The following GRK5 variants were observed in gnomAD, a reference collection of about 807,000 sequenced individuals.
GRK5 encodes the protein g protein-coupled receptor kinase GRK5.
In GRK5, 40 loss-of-function variants were observed where a neutral mutation model predicts 78.4. The ratio of observed to expected loss-of-function variants is 0.51; its 90% confidence interval spans 0.40 to 0.66. GRK5 has a LOEUF of 0.66. Ranked by LOEUF, GRK5 falls within the 30% of genes least tolerant of loss-of-function variation. The probability of loss-of-function intolerance (pLI) is 0.00; values close to 1 mark genes in which losing one functional copy is unlikely to be tolerated. For synonymous variants in GRK5, 289 were observed against 296.8 expected (o/e 0.97, Z 0.27); for missense variants, 598 against 759.9 (o/e 0.79, Z 2.50).
At chr10:119,394,614 TGTTTGG>T (rs1851995932) in intron 3 of GRK5, among the ~76,000 whole-genome samples, 1 of 2,832 alleles carries the variant, frequency 3.5e-4, no homozygotes, top group Non-Finnish European at 1.0e-3. Context: ...GGCACGTGTA[TGTTTGG>T]GTGTGTGGGT....
intron 2 of GRK5, among the ~76,000 whole-genome samples, chr10:119,377,055 C>T (rs1188569589): frequency 6.6e-6 from 1 of 152,132 alleles, no homozygotes; most frequent in Non-Finnish European, 1.5e-5. Context: ...AGTGTTCTCC[C>T]ACCCCTAAAG....
At chr10:119,394,804 GGT>G (rs565278507) in intron 3 of GRK5, among the ~76,000 whole-genome samples, 1,326 of 117,340 alleles carry the variant, frequency 0.011, 34 homozygotes, top group African/African-American at 0.045. Context: ...TGGGTGTGTG[GGT>G]GTGTGTGTGG....
At chr10:119,248,135 T>G (rs1849143692) in intron 1 of GRK5, among the ~76,000 whole-genome samples, 1 of 152,148 alleles carries the variant, frequency 6.6e-6, no homozygotes, top group South Asian at 2.1e-4. Flanking sequence ...CCTTGGCCTC[T>G]GAAGGAGCTG....
chr10:119,331,019 G>C (rs961946261), intron 2 of GRK5, among the ~76,000 whole-genome samples: 1 of 152,158 alleles, frequency 6.6e-6, no homozygotes, highest in African/African-American at 2.4e-5. Context: ...GGGAGCACCT[G>C]AGTGTCCCTC....
chr10:119,274,386 G>A (rs1382626272), intron 1 of GRK5, among the ~76,000 whole-genome samples: 2 of 152,230 alleles, frequency 1.3e-5, no homozygotes, highest in Admixed American at 6.5e-5. Flanking sequence ...TAGGAAAAGC[G>A]CACTGGCGAG....
At chr10:119,208,813 G>T (rs540752700) in intron 1 of GRK5, among the ~76,000 whole-genome samples, 48 of 152,302 alleles carry the variant, frequency 3.2e-4, no homozygotes, top group Non-Finnish European at 6.0e-4. Context: ...GAAAAAAGGG[G>T]GGGGAGGCAG....
rs1040756696 is a variant in GRK5, at chr10:119,336,119, A to G, written c.148+9508A>G. The G allele has an allele frequency of 6.6e-6, 1 of 152,330 alleles. No individual in the cohort carries two copies. The highest frequency in any genetic ancestry group is 1.5e-5 in the Non-Finnish European group (1 of 68,104). The allele number at this position is 152,330 out of a possible 1,614,324, so 9.4% of individuals were successfully genotyped here. ...GATGAGGCCAGCTGTTTTTGTGCTG[A>G]GGTGAAGTGGGTTCAGTGTCCCAGA... On this transcript the variant is annotated intron_variant, in intron 2 of 15. Coordinates refer to ENST00000392870, the MANE Select transcript of GRK5 (RefSeq NM_005308.3). This position sits in a 1 kb window ranked among gnomAD's most constrained non-coding sequence, Gnocchi z 4.5.
chr10:119,394,260 C>CTATGTGTGGGTGCGTGTGTG (rs1564916856), intron 3 of GRK5, among the ~76,000 whole-genome samples: 1 of 4,978 alleles, frequency 2.0e-4, no homozygotes, highest in Non-Finnish European at 3.6e-4. Context: ...GTGGATGTAT[C>CTATGTGTGGGTGCGTGTGTG]TGTGTGTGTG....
At chr10:119,440,386 C>G (rs1564936108) in intron 10 of GRK5, among the ~76,000 whole-genome samples, 1 of 145,492 alleles carries the variant, frequency 6.9e-6, no homozygotes, top group Admixed American at 6.9e-5. Flanking sequence ...CCTATACCTT[C>G]TTTTTTTTTT....
At chr10:119,366,103 TGGTGTA>T (rs1021989337) in intron 2 of GRK5, among the ~76,000 whole-genome samples, 3 of 152,316 alleles carry the variant, frequency 2.0e-5, no homozygotes, top group Admixed American at 2.0e-4. Flanking sequence ...GGACTTGCCC[TGGTGTA>T]GGTCTCAGCA....
chr10:119,250,444 A>G (rs1052604089), intron 1 of GRK5, among the ~76,000 whole-genome samples: 1 of 151,444 alleles, frequency 6.6e-6, no homozygotes, highest in Non-Finnish European at 1.5e-5. Flanking sequence ...CCCAGGCTGG[A>G]GTGCAGTGGC....
intron 6 of GRK5, 49 bp downstream of exon 6, chr10:119,425,134 T>C (rs559433279): frequency 2.7e-5 from 36 of 1,313,416 alleles, no homozygotes; most frequent in Non-Finnish European, 2.8e-5. Flanking sequence ...GGGTACACAT[T>C]TTTCATCTGA....
intron 8 of GRK5, among the ~76,000 whole-genome samples, chr10:119,434,639 G>T (rs975288582): frequency 6.6e-6 from 1 of 152,240 alleles, no homozygotes; most frequent in Non-Finnish European, 1.5e-5. Context: ...CTGTGGCTTT[G>T]CAGGGTACCG....
At chr10:119,285,889 A>T (rs1849840245) in intron 1 of GRK5, among the ~76,000 whole-genome samples, 1 of 152,138 alleles carries the variant, frequency 6.6e-6, no homozygotes, top group African/African-American at 2.4e-5. Context: ...TTCCTGGCAG[A>T]ACGTCCTTGG....
chr10:119,208,901 G>T (rs1488473505), intron 1 of GRK5, among the ~76,000 whole-genome samples: 1 of 151,964 alleles, frequency 6.6e-6, no homozygotes, highest in East Asian at 1.9e-4. Context: ...AATTTATGTC[G>T]CATATTTTCC....
chr10:119,259,075 T>A (rs1849331069), intron 1 of GRK5, among the ~76,000 whole-genome samples: 2 of 150,064 alleles, frequency 1.3e-5, no homozygotes, highest in Admixed American at 1.3e-4. Context: ...CTTTTTTTTT[T>A]TTTTTTTGAG....
chr10:119,443,321 G>A (rs1016995437), intron 11 of GRK5, among the ~76,000 whole-genome samples: 1 of 152,200 alleles, frequency 6.6e-6, no homozygotes, highest in Non-Finnish European at 1.5e-5. Context: ...CATCAAGAGT[G>A]CAGGACACCT....
intron 1 of GRK5, among the ~76,000 whole-genome samples, chr10:119,257,619 G>A (rs1194673201): frequency 6.6e-6 from 1 of 152,218 alleles, no homozygotes; most frequent in Non-Finnish European, 1.5e-5. Flanking sequence ...AGCTACTCAG[G>A]AGGCTGAGGC....
rs189882494 is a variant in GRK5 at position 119,242,426 on chromosome 10, G to A, written c.52+34457G>A. ...AGGAAGGCAGTCTTGCCGAGCACTGGTGCCTGCCTGGCCACACCTGAGCTT... is the reference window on the plus strand; with the variant it reads ...AGGAAGGCAGTCTTGCCGAGCACTGATGCCTGCCTGGCCACACCTGAGCTT... On this transcript the variant is annotated intron_variant, in intron 1 of 15. Coordinates refer to ENST00000392870, the MANE Select transcript of GRK5 (RefSeq NM_005308.3). Among the ~76,000 whole-genome samples the A allele has an allele frequency of 2.2e-3, 334 of 151,428 alleles. 3 individuals carry two copies. Among genetic ancestry groups the A allele is most frequent in the African/African-American group, 7.9e-3 (327 of 41,182 alleles).
Sources: gnomAD v4.1 joint callset for allele counts (sites outside exome capture counted in the v4.1 genomes callset) on GRCh38, gnomAD v4.1.1 for gene constraint, Gnocchi (gnomAD v3.1) non-coding constraint, MANE v1.5 for transcripts, NCBI Gene and HGNC (gene_info 2026-07-23, HGNC 2026-07-21) for gene names.